Variants in DRC9 observed in about 807,000 individuals in gnomAD.
DRC9 encodes the protein dynein regulatory complex subunit 9.
chr3:197,916,799 G>A, the DRC9 span, among the ~76,000 whole-genome samples: 6 of 151,968 alleles, frequency 3.9e-5, no homozygotes, highest in African/African-American at 1.5e-4. Context: ...CATAGGCAGC[G>A]GTGTCCAATC....
the DRC9 span, chr3:197,956,012 A>G: frequency 2.1e-5 from 11 of 513,988 alleles, no homozygotes; most frequent in African/African-American, 1.7e-4. Context: ...TCTGTTGCCC[A>G]TGCTGGAGTG....
the DRC9 span, among the ~76,000 whole-genome samples, chr3:197,920,427 TAAAA>T: frequency 1.0e-4 from 12 of 116,412 alleles, no homozygotes; most frequent in African/African-American, 3.1e-4. Context: ...CCATCTCAAT[TAAAA>T]AAAAAAAAAA....
the DRC9 span, among the ~76,000 whole-genome samples, chr3:197,931,872 G>T: frequency 3.3e-5 from 5 of 152,138 alleles, no homozygotes; most frequent in Middle Eastern, 3.4e-3. Flanking sequence ...TGATCCGCCC[G>T]CCTCAGCCTC....
chr3:197,913,357 CGTGCGTGT>C, the DRC9 span: 19 of 224,054 alleles, frequency 8.5e-5, no homozygotes, highest in African/African-American at 2.4e-4. Flanking sequence ...TGTGTGCGTG[CGTGCGTGT>C]GTGCCATTTA....
At chr3:197,892,503 G>A in the DRC9 span, 17 of 1,197,658 alleles carry the variant, frequency 1.4e-5, no homozygotes, top group East Asian at 9.4e-5. Flanking sequence ...CTCCTTCCTC[G>A]GTGAGCACCC....
the DRC9 span, among the ~76,000 whole-genome samples, chr3:197,946,825 C>A: frequency 1.3e-5 from 2 of 151,974 alleles, no homozygotes; most frequent in Non-Finnish European, 2.9e-5. Flanking sequence ...TTCTTTTTTT[C>A]TTTTCTTTTT....
the DRC9 span, chr3:197,889,489 G>T: frequency 1.4e-6 from 2 of 1,415,554 alleles, no homozygotes; most frequent in Non-Finnish European, 9.9e-7. Flanking sequence ...ACCTGTAGAT[G>T]AGTCATCTTT....
At chr3:197,940,057 C>T in the DRC9 span, among the ~76,000 whole-genome samples, 1 of 152,010 alleles carries the variant, frequency 6.6e-6, no homozygotes, top group Non-Finnish European at 1.5e-5. Context: ...ATAGTGGCAC[C>T]ATCTCCACTC....
chr3:197,916,860 C>T, the DRC9 span, among the ~76,000 whole-genome samples: 22 of 148,676 alleles, frequency 1.5e-4, no homozygotes, highest in African/African-American at 5.3e-4. Context: ...GGGCCACACA[C>T]AAAATACACC....
chr3:197,951,296 T>C, the DRC9 span: 2 of 1,614,074 alleles, frequency 1.2e-6, no homozygotes, highest in Non-Finnish European at 1.7e-6. Flanking sequence ...TGCGCTTATG[T>C]ATATAAAGCA....
chr3:197,904,121 T>A, the DRC9 span, among the ~76,000 whole-genome samples: 13 of 140,434 alleles, frequency 9.3e-5, no homozygotes, highest in African/African-American at 1.8e-4. Flanking sequence ...TTTTTTTTTT[T>A]AAAGGGCCAA....
chr3:197,936,402 TCA>T, the DRC9 span, among the ~76,000 whole-genome samples: 1 of 152,194 alleles, frequency 6.6e-6, no homozygotes. Flanking sequence ...GGCCTCACTG[TCA>T]CACACGCTGG....
At chr3:197,913,816 A>C in the DRC9 span, 1 of 1,480,970 alleles carries the variant, frequency 6.8e-7, no homozygotes, top group African/African-American at 1.4e-5. Flanking sequence ...GTTAGCTGAG[A>C]GGGGATCAGG....
chr3:197,953,929 C>T, the DRC9 span: 53 of 1,513,660 alleles, frequency 3.5e-5, no homozygotes, highest in South Asian at 3.0e-4. Context: ...GAGAGCCACT[C>T]GTGTAGAGGT....
the DRC9 span, among the ~76,000 whole-genome samples, chr3:197,890,447 T>G: frequency 6.6e-6 from 1 of 152,152 alleles, no homozygotes; most frequent in African/African-American, 2.4e-5. Context: ...TAGATGACTT[T>G]CATAGGCTTG....
chr3:197,936,882 G>T, the DRC9 span, among the ~76,000 whole-genome samples: 18 of 151,018 alleles, frequency 1.2e-4, no homozygotes, highest in African/African-American at 4.2e-4. Flanking sequence ...TTATAAGCAG[G>T]TTGCCTTTCT....
At chr3:197,907,437 T>C in the DRC9 span, among the ~76,000 whole-genome samples, 1 of 152,196 alleles carries the variant, frequency 6.6e-6, no homozygotes, top group Non-Finnish European at 1.5e-5. Context: ...AACCATGAAA[T>C]CCAGACTCTC....
chr3:197,899,976 G>A, the DRC9 span, among the ~76,000 whole-genome samples: 2 of 152,212 alleles, frequency 1.3e-5, no homozygotes, highest in Non-Finnish European at 2.9e-5. Context: ...GGCGGGCGCG[G>A]CACCTGAGAT....
At chr3:197,913,456 G>A in the DRC9 span, 3 of 287,422 alleles carry the variant, frequency 1.0e-5, no homozygotes, top group Non-Finnish European at 2.0e-5. Flanking sequence ...ATAAACTCAG[G>A]TTTGAACGAA....
Sources: gnomAD v4.1 joint callset for allele counts (sites outside exome capture counted in the v4.1 genomes callset) on GRCh38, gnomAD v4.1.1 for gene constraint, MANE v1.5 for transcripts, NCBI Gene and HGNC (gene_info 2026-07-23, HGNC 2026-07-21) for gene names.